LRRC37A2: variants seen among roughly 807,000 people sequenced by gnomAD.
LRRC37A2 encodes leucine-rich repeat-containing protein 37A2.
Under a neutral mutation model 68.8 loss-of-function variants are expected in LRRC37A2, and 9 were observed. The ratio of observed to expected loss-of-function variants is 0.13; its 90% confidence interval spans 0.08 to 0.23. The LOEUF (loss-of-function observed/expected upper bound fraction) is 0.23, where lower values mean the gene tolerates loss of function less well. LRRC37A2 is among the 10% of genes least tolerant of loss of function. The pLI, the probability that LRRC37A2 is intolerant of heterozygous loss-of-function variation, is 1.00. For missense variants in LRRC37A2, 168 were observed against 950.4 expected, an observed-to-expected ratio of 0.18 and a Z score of 10.82; for synonymous variants, 63 against 367.6, an observed-to-expected ratio of 0.17 and a Z score of 9.48.
chr17:46,806,941 C>G, the LRRC37A2 span, among the ~76,000 whole-genome samples: 1 of 152,138 alleles, frequency 6.6e-6, no homozygotes, highest in Admixed American at 6.5e-5. Flanking sequence ...CTGGGCACTC[C>G]GTCACCTGTG....
chr17:46,738,561 G>A, the LRRC37A2 span, among the ~76,000 whole-genome samples: 2 of 152,210 alleles, frequency 1.3e-5, no homozygotes, highest in Non-Finnish European at 2.9e-5. Context: ...GGACTCAGCA[G>A]GAACTGTTGG....
At chr17:46,722,194 G>C in the LRRC37A2 span, 2 of 1,594,212 alleles carry the variant, frequency 1.3e-6, no homozygotes, top group Non-Finnish European at 1.7e-6. Flanking sequence ...AACTTGCAGC[G>C]CCTGCTTAGG....
the LRRC37A2 span, among the ~76,000 whole-genome samples, chr17:46,967,977 GT>G: frequency 6.6e-6 from 1 of 152,150 alleles, no homozygotes; most frequent in East Asian, 1.9e-4. Context: ...GTCAGACAGG[GT>G]TTCCTGCTAG....
the LRRC37A2 span, among the ~76,000 whole-genome samples, chr17:46,974,056 G>A: frequency 6.6e-6 from 1 of 152,220 alleles, no homozygotes; most frequent in Non-Finnish European, 1.5e-5. Flanking sequence ...AAGTGGATGT[G>A]GTGATGTAAG....
chr17:46,963,275 T>C, the LRRC37A2 span, among the ~76,000 whole-genome samples: 1 of 152,358 alleles, frequency 6.6e-6, no homozygotes, highest in Non-Finnish European at 1.5e-5. Flanking sequence ...CCAGGTGCAG[T>C]GGCTCACGCC....
At chr17:46,826,750 C>A in the LRRC37A2 span, among the ~76,000 whole-genome samples, 1 of 151,146 alleles carries the variant, frequency 6.6e-6, no homozygotes, top group African/African-American at 2.4e-5. Flanking sequence ...CGGTGAGCAT[C>A]CACTCCCTCC....
the LRRC37A2 span, chr17:46,934,897 A>T: frequency 1.2e-6 from 1 of 803,076 alleles, no homozygotes; most frequent in Non-Finnish European, 2.2e-6. Context: ...TTTCTTATCC[A>T]TTAGGGTCCG....
chr17:46,837,811 A>G, the LRRC37A2 span, among the ~76,000 whole-genome samples: 1 of 152,232 alleles, frequency 6.6e-6, no homozygotes, highest in East Asian at 1.9e-4. Context: ...ACAATTGTGC[A>G]TGTTGTGCAC....
chr17:46,746,393 CA>C, the LRRC37A2 span, among the ~76,000 whole-genome samples: 1 of 152,192 alleles, frequency 6.6e-6, no homozygotes. Context: ...TGGATAAAAA[CA>C]ATGAGTAACA....
At chr17:46,919,119 C>T in the LRRC37A2 span, among the ~76,000 whole-genome samples, 18 of 152,296 alleles carry the variant, frequency 1.2e-4, no homozygotes, top group Admixed American at 9.8e-4. Flanking sequence ...GTGTCTTACT[C>T]ATCTTTGTAT....
At chr17:46,762,025 C>T in the LRRC37A2 span, among the ~76,000 whole-genome samples, 17 of 152,246 alleles carry the variant, frequency 1.1e-4, no homozygotes, top group African/African-American at 4.1e-4. Flanking sequence ...CCTCCCTCTA[C>T]GGCTTAGCTC....
chr17:46,835,656 C>T, the LRRC37A2 span, among the ~76,000 whole-genome samples: 9 of 152,240 alleles, frequency 5.9e-5, no homozygotes, highest in Non-Finnish European at 4.4e-5. Flanking sequence ...CTACAGTGGC[C>T]CTCAGCAGTT....
At chr17:47,026,738 A>C in the LRRC37A2 span, among the ~76,000 whole-genome samples, 33 of 152,238 alleles carry the variant, frequency 2.2e-4, no homozygotes, top group Admixed American at 1.5e-3. Context: ...TTCTATTAAT[A>C]TGATAGAAAT....
chr17:47,018,203 A>G, the LRRC37A2 span: 16 of 1,611,576 alleles, frequency 9.9e-6, no homozygotes, highest in Non-Finnish European at 1.3e-5. Flanking sequence ...AACCTTCTGC[A>G]ACCCAACAGG....
chr17:46,638,538 CG>C, the LRRC37A2 span, among the ~76,000 whole-genome samples: 1 of 36,250 alleles, frequency 2.8e-5, no homozygotes, highest in Non-Finnish European at 4.1e-5. Context: ...CCACCACACC[CG>C]ACTAATTTTG....
At chr17:46,456,210 A>ATATGTG in the LRRC37A2 span, among the ~76,000 whole-genome samples, 3 of 90,720 alleles carry the variant, frequency 3.3e-5, no homozygotes, top group East Asian at 9.3e-4. Flanking sequence ...TCCATGGGAT[A>ATATGTG]TGTGTGTGTG....
At chr17:46,934,619 C>G in the LRRC37A2 span, among the ~76,000 whole-genome samples, 1 of 152,136 alleles carries the variant, frequency 6.6e-6, no homozygotes. Flanking sequence ...CTAAAGGACA[C>G]GAGCAAACAT....
the LRRC37A2 span, among the ~76,000 whole-genome samples, chr17:46,838,280 G>A: frequency 3.3e-5 from 5 of 151,292 alleles, no homozygotes; most frequent in African/African-American, 9.7e-5. Context: ...AGGAACAGCC[G>A]AGTGGGTCAG....
the LRRC37A2 span, among the ~76,000 whole-genome samples, chr17:46,609,762 A>G: frequency 6.9e-5 from 10 of 144,490 alleles, no homozygotes; most frequent in African/African-American, 2.6e-4. Flanking sequence ...AGTCCGTAAG[A>G]TCATGCAGCA....
Sources: allele counts gnomAD v4.1 joint callset (sites outside exome capture counted in the v4.1 genomes callset), GRCh38; gene constraint gnomAD v4.1.1; transcripts MANE v1.5; gene names NCBI Gene and HGNC (gene_info 2026-07-23, HGNC 2026-07-21).